The following OPCML variants were observed in gnomAD, a reference collection of about 807,000 sequenced individuals.
OPCML encodes the protein opioid-binding protein/cell adhesion molecule.
OPCML carries 13 observed loss-of-function variants against 37.8 expected under a neutral mutation model. The ratio of observed to expected loss-of-function variants is 0.34; its 90% CI spans 0.22 to 0.55. The LOEUF (loss-of-function observed/expected upper bound fraction) is 0.55, where lower values mean the gene tolerates loss of function less well. OPCML is among the 20% of genes least tolerant of loss of function. The pLI is 0.91. For synonymous variants in OPCML, 176 were observed against 168.8 expected (o/e 1.04, Z -0.33); for missense variants, 341 against 435.6 (o/e 0.78, Z 1.93).
At chr11:132,762,289 T>G (rs1158599809) in intron 2 of OPCML, among the ~76,000 whole-genome samples, 1 of 152,080 alleles carries the variant, frequency 6.6e-6, no homozygotes, top group Non-Finnish European at 1.5e-5. Flanking sequence ...GGCATGGGGG[T>G]CAGGGACCCA....
At chr11:133,264,389 T>TC (rs1941589108) in intron 1 of OPCML, among the ~76,000 whole-genome samples, 1 of 152,234 alleles carries the variant, frequency 6.6e-6, no homozygotes, top group Non-Finnish European at 1.5e-5. Context: ...TCAAAGCCTT[T>TC]CTCAGTGAAT....
intron 1 of OPCML, among the ~76,000 whole-genome samples, chr11:133,233,998 A>G (rs890400613): frequency 6.6e-6 from 1 of 152,178 alleles, no homozygotes; most frequent in Admixed American, 6.5e-5. Flanking sequence ...GCTATGTTAG[A>G]TAATGTAACA....
intron 3 of OPCML, among the ~76,000 whole-genome samples, chr11:132,654,432 A>G (rs1941590855): frequency 6.6e-6 from 1 of 152,040 alleles, no homozygotes; most frequent in Non-Finnish European, 1.5e-5. Flanking sequence ...TCCCCAAAGG[A>G]ATGTCATCCC....
intron 1 of OPCML, among the ~76,000 whole-genome samples, chr11:133,224,635 T>C (rs898481670): frequency 1.3e-5 from 2 of 152,216 alleles, no homozygotes; most frequent in Non-Finnish European, 2.9e-5. Context: ...ATGCCTTCCT[T>C]CCCCAGGCCT....
chr11:133,367,759 T>G (rs950816659), intron 1 of OPCML, among the ~76,000 whole-genome samples: 4 of 152,230 alleles, frequency 2.6e-5, no homozygotes, highest in African/African-American at 9.6e-5. Flanking sequence ...TTGTACGTTC[T>G]GGCCCTTCTT....
intron 1 of OPCML, among the ~76,000 whole-genome samples, chr11:133,385,594 G>T (rs535073327): frequency 6.6e-6 from 1 of 152,132 alleles, no homozygotes; most frequent in South Asian, 2.1e-4. Flanking sequence ...CTCCAGCCTA[G>T]CTGTTTTCAA....
chr11:132,821,328 T>G (rs1414314384), intron 2 of OPCML, among the ~76,000 whole-genome samples: 1 of 152,158 alleles, frequency 6.6e-6, no homozygotes, highest in Non-Finnish European at 1.5e-5. Context: ...CACAGGCTCC[T>G]TTCAACCAGC....
chr11:132,519,969 T>C (rs1278101119), intron 4 of OPCML, among the ~76,000 whole-genome samples: 2 of 152,132 alleles, frequency 1.3e-5, no homozygotes, highest in Non-Finnish European at 2.9e-5. Flanking sequence ...TTGGGAAGTC[T>C]CAGCAGGTTT....
At chr11:132,776,425 C>T (rs1946810909) in intron 2 of OPCML, among the ~76,000 whole-genome samples, 1 of 152,162 alleles carries the variant, frequency 6.6e-6, no homozygotes, top group Non-Finnish European at 1.5e-5. Context: ...ATGTGATTCC[C>T]AGTGTTGGAG....
chr11:132,995,093 T>G (rs1298534265), intron 1 of OPCML, among the ~76,000 whole-genome samples: 2 of 152,164 alleles, frequency 1.3e-5, no homozygotes, highest in Non-Finnish European at 2.9e-5. Flanking sequence ...ACCAAATACG[T>G]ACATCTGCAA....
chr11:133,140,582 A>AGAAGAAGAAAGAG (rs1432375695), intron 1 of OPCML, among the ~76,000 whole-genome samples: 3 of 138,664 alleles, frequency 2.2e-5, no homozygotes, highest in Non-Finnish European at 4.8e-5. Context: ...AGAAGAAAGA[A>AGAAGAAGAAAGAG]GAAAAAAGAA....
intron 1 of OPCML, among the ~76,000 whole-genome samples, chr11:133,257,347 G>A (rs1325251455): frequency 6.6e-6 from 1 of 152,226 alleles, no homozygotes; most frequent in Non-Finnish European, 1.5e-5. Flanking sequence ...AATACTCTGA[G>A]AAAGGCAGCC....
chr11:132,707,928 C>T (rs1271277079), intron 2 of OPCML, among the ~76,000 whole-genome samples: 1 of 152,010 alleles, frequency 6.6e-6, no homozygotes, highest in African/African-American at 2.4e-5. Context: ...TGACAGTTCT[C>T]TCAAATGGAA....
chr11:133,168,641 A>G (rs1950246822), intron 1 of OPCML, among the ~76,000 whole-genome samples: 1 of 152,232 alleles, frequency 6.6e-6, no homozygotes, highest in Admixed American at 6.5e-5. Context: ...TATCTTGCCT[A>G]AGAACCACAT....
intron 1 of OPCML, among the ~76,000 whole-genome samples, chr11:133,140,591 AAAG>A (rs917448828): frequency 4.8e-4 from 67 of 138,306 alleles, no homozygotes; most frequent in African/African-American, 1.7e-3. Context: ...AAGAAAAAAG[AAAG>A]AAGAAAGAAG....
intron 1 of OPCML, among the ~76,000 whole-genome samples, chr11:133,469,487 C>T (rs922843635): frequency 6.6e-6 from 1 of 152,200 alleles, no homozygotes; most frequent in Non-Finnish European, 1.5e-5. Context: ...CATACAAAAG[C>T]TTCTTAGCTC....
At chr11:132,589,797 A>C (rs547700783) in intron 3 of OPCML, among the ~76,000 whole-genome samples, 7 of 152,314 alleles carry the variant, frequency 4.6e-5, no homozygotes, top group Non-Finnish European at 8.8e-5. Flanking sequence ...TTGGAAAGGA[A>C]GTCTCTTTTG....
At position 133,330,085 on chromosome 11, in the gene OPCML, A is replaced by C. The variant is rs368310654; in HGVS notation, c.61+202179T>G. ...TGCAGCCAAAACAACACATGAAAAA[A>C]TGCTCATCATCACTGGCCATCAGAG... On this transcript the variant is annotated intron_variant, in intron 1 of 7. Transcript: ENST00000524381. Among the ~76,000 whole-genome samples, 6 of 152,372 alleles carry C rather than the reference A, an allele frequency of 3.9e-5. No individual in the cohort carries two copies. The East Asian group carries it at 1.2e-3, about 29-fold the overall frequency.
intron 1 of OPCML, among the ~76,000 whole-genome samples, chr11:133,338,350 C>A (rs762160745): frequency 1.2e-4 from 19 of 152,128 alleles, no homozygotes; most frequent in Non-Finnish European, 2.6e-4. Context: ...GTGGGCGATG[C>A]CATATTGACT....
Sources: gnomAD v4.1 joint callset for allele counts (sites outside exome capture counted in the v4.1 genomes callset) on GRCh38, gnomAD v4.1.1 for gene constraint, MANE v1.5 for transcripts, NCBI Gene and HGNC (gene_info 2026-07-23, HGNC 2026-07-21) for gene names.